Variants in EML1 observed in about 807,000 individuals in gnomAD.
EML1 encodes the protein EMAP like 1, also known as echinoderm microtubule-associated protein-like 1.
A neutral mutation model predicts 110.4 loss-of-function variants in EML1; 27 were observed. The observed-to-expected ratio is 0.24, with a 90% CI of 0.18 to 0.34. The LOEUF is 0.34. Among genes scored for constraint, EML1 ranks in the 10% least tolerant of loss-of-function variants. EML1 has a pLI of 1.00. For missense variants in EML1, 741 were observed against 1,030.9 expected, an observed-to-expected ratio of 0.72 and a Z score of 3.85; for synonymous variants, 344 against 385.8, an observed-to-expected ratio of 0.89 and a Z score of 1.27.
intron 1 of EML1, among the ~76,000 whole-genome samples, chr14:99,762,562 C>T (rs1595250561): frequency 6.6e-6 from 1 of 152,264 alleles, no homozygotes; most frequent in Middle Eastern, 3.4e-3. Context: ...CTTTGGGAGG[C>T]CAAGGCAGGA....
chr14:99,886,771 A>G (rs2059483043), intron 4 of EML1, among the ~76,000 whole-genome samples: 1 of 152,194 alleles, frequency 6.6e-6, no homozygotes, highest in Admixed American at 6.5e-5. Context: ...TAGATGAAAG[A>G]GATAAGAGCA....
intron 20 of EML1, among the ~76,000 whole-genome samples, chr14:99,938,132 T>C (rs2060509095): frequency 6.6e-6 from 1 of 152,054 alleles, no homozygotes; most frequent in African/African-American, 2.4e-5. Flanking sequence ...TTTTAACCCT[T>C]CTCCACTGTA....
rs2273707 is a variant in EML1, at chr14:99,897,334, G to C, written c.827+40G>C. Reference sequence around the variant, plus strand: ...AGGTCATTCCTGCGACTCAGAAGGCGAAGGTAGGAGGATCGCTTGAGGCCA... The same window carrying C: ...AGGTCATTCCTGCGACTCAGAAGGCCAAGGTAGGAGGATCGCTTGAGGCCA... On this transcript the variant is annotated intron_variant, in intron 7 of 21. Coordinates refer to ENST00000262233, the MANE Select transcript of EML1 (RefSeq NM_004434.3). The C allele has an allele frequency of 0.52, 802,680 of 1,550,062 alleles. 209,848 individuals carry two copies. The highest frequency in any genetic ancestry group is 0.67 in the African/African-American group (48,644 of 72,542).
chr14:99,782,068 ACT>A (rs1349953376), intron 1 of EML1, among the ~76,000 whole-genome samples: 2 of 152,172 alleles, frequency 1.3e-5, no homozygotes, highest in African/African-American at 2.4e-5. Flanking sequence ...ATCGTAGGGC[ACT>A]GTTATCCTAC....
At chr14:99,823,171 C>G (rs2139751309) in intron 1 of EML1, among the ~76,000 whole-genome samples, 1 of 152,340 alleles carries the variant, frequency 6.6e-6, no homozygotes. Flanking sequence ...TGATGTGTAA[C>G]TAGCTGCTTG....
intron 1 of EML1, among the ~76,000 whole-genome samples, chr14:99,800,366 A>G (rs923115724): frequency 4.0e-5 from 6 of 151,206 alleles, no homozygotes; most frequent in African/African-American, 1.5e-4. Context: ...TTAATTAATT[A>G]TTTATTTTTT....
At chr14:99,790,549 C>T (rs1479865011), upstream of EML1, among the ~76,000 whole-genome samples, 1 of 152,194 alleles carries the variant, frequency 6.6e-6, no homozygotes, top group Non-Finnish European at 1.5e-5. Context: ...ACTTCCTTTT[C>T]AAGTTCAGAA....
intron 9 of EML1, among the ~76,000 whole-genome samples, chr14:99,902,773 G>T (rs142467962): frequency 2.1e-3 from 321 of 152,196 alleles, no homozygotes; most frequent in African/African-American, 7.4e-3. Flanking sequence ...TCTCCTCTTG[G>T]GGGGTCCCAA....
In EML1 at chr14:99,939,099, C is replaced by A; in HGVS notation, c.2192-98C>A. On this transcript the variant is annotated intron_variant, in intron 20 of 21. Transcript: ENST00000262233. The surrounding 1 kb of genome is among the most constrained non-coding windows in gnomAD (Gnocchi z 4.2). ...CTTGTTTCTAAAGCTGGACTTCAGG[C>A]AGTTTCATGTTCAGGACCGTTCAGT... 2 of 1,510,804 alleles carry A rather than the reference C, an allele frequency of 1.3e-6. No homozygotes were observed. The highest frequency in any genetic ancestry group is 1.3e-5 in the South Asian group (1 of 75,136). The allele number at this position is 1,510,804 out of a possible 1,614,324, so 93.6% of individuals were successfully genotyped here.
chr14:99,914,037 T>G, intron 13 of EML1, 142 bp from the exon 14 acceptor site: 1 of 1,035,592 alleles, frequency 9.7e-7, no homozygotes, highest in Non-Finnish European at 1.4e-6. Context: ...ATATACAACA[T>G]ATATATTTGA....
intron 2 of EML1, among the ~76,000 whole-genome samples, chr14:99,854,647 A>G (rs1378690682): frequency 2.0e-5 from 3 of 152,180 alleles, no homozygotes; most frequent in Non-Finnish European, 2.9e-5. Context: ...TAAAATAGGA[A>G]GAACCGGCTA....
chr14:99,932,101 A>G (rs996247287), intron 17 of EML1, among the ~76,000 whole-genome samples: 15 of 152,140 alleles, frequency 9.9e-5, no homozygotes, highest in Non-Finnish European at 2.1e-4. Flanking sequence ...AGTTGTTTAC[A>G]AGGAAGATTA....
rs781706468 is a variant in EML1 at position 99,937,853 on chromosome 14, A to T, written c.2132A>T (p.Glu711Val). 6.2e-7 allele frequency: 1 copy of T among 1,614,028 alleles called. No homozygotes were observed. Among genetic ancestry groups the T allele is most frequent in the Non-Finnish European group, 8.5e-7 (1 of 1,179,984 alleles). ...GCCTGTAAGCAAGTCGTAAGTGTGGAAACTACAAGAGACATTGAATGGGCT... is the reference window on the plus strand; with the variant it reads ...GCCTGTAAGCAAGTCGTAAGTGTGGTAACTACAAGAGACATTGAATGGGCT... ...PSACKQVVSVETTRDIEWATY... is the reference protein window; with the variant it reads ...PSACKQVVSVVTTRDIEWATY... Residue 711 changes from glutamate (E) to valine (V), a missense_variant, in exon 20 of 22, where the codon GAA becomes GTA. Physicochemically the swap from Glu to Val is moderately radical, Grantham distance 121. Coordinates refer to ENST00000262233, the MANE Select transcript of EML1 (RefSeq NM_004434.3).
At chr14:99,783,052 T>C (rs1257362853) in intron 1 of EML1, among the ~76,000 whole-genome samples, 2 of 152,176 alleles carry the variant, frequency 1.3e-5, no homozygotes, top group South Asian at 2.1e-4. Flanking sequence ...TGAAGGTTTA[T>C]TACATATGTA....
In EML1 at chr14:99,812,449, G is replaced by T. The variant is rs1332669638; in HGVS notation, c.67+18906G>T. 5.9e-5 allele frequency among the ~76,000 whole-genome samples: 9 copies of T among 151,940 alleles called. No individual in the cohort carries two copies. In the East Asian group the frequency reaches 1.7e-3, roughly 29 times the overall value. On this transcript the variant is annotated intron_variant, in intron 1 of 21. Transcript: ENST00000262233. The stretch of plus-strand genomic sequence containing the variant: ...ATCCAGGTGACGATGCTTTTTTGAG[G>T]CTGACATAGTGGTACACAGCATTGA...
In EML1 at chr14:99,878,550, A is replaced by T; in HGVS notation, c.449A>T (p.Asp150Val). Residue 150 changes from aspartate (D) to valine (V), a missense_variant, in exon 4 of 22, where the codon GAT becomes GTT. Asp to Val is a radical substitution (Grantham distance 152). Transcript: ENST00000262233. ...GGGGGTCGAAGGGAAAGCAATGGGGATTCCAGAGGAAACCGGAATCGCACA... is the reference window on the plus strand; with the variant it reads ...GGGGGTCGAAGGGAAAGCAATGGGGTTTCCAGAGGAAACCGGAATCGCACA... The part of the protein sequence containing the change: ...SPGGRRESNG[D>V]SRGNRNRTGS... The T allele has an allele frequency of 6.2e-7, 1 of 1,614,160 alleles. No individual in the cohort carries two copies. The highest frequency in any genetic ancestry group is 8.5e-7 in the Non-Finnish European group (1 of 1,180,018).
At chr14:99,836,760 A>G (rs950962913) in intron 1 of EML1, among the ~76,000 whole-genome samples, 4 of 152,048 alleles carry the variant, frequency 2.6e-5, no homozygotes, top group African/African-American at 9.7e-5. Flanking sequence ...TTGAATTCCT[A>G]TAAATATTTC....
At position 99,827,369 on chromosome 14, in the gene EML1, T is replaced by G. The variant is rs1253049965; in HGVS notation, c.68-23484T>G. Among the ~76,000 whole-genome samples the G allele has an allele frequency of 6.6e-6, 1 of 151,756 alleles. No homozygotes were observed. Among genetic ancestry groups the G allele is most frequent in the Non-Finnish European group, 1.5e-5 (1 of 67,948 alleles). On this transcript the variant is annotated intron_variant, in intron 1 of 21. Coordinates refer to ENST00000262233, the MANE Select transcript of EML1 (RefSeq NM_004434.3). This position sits in a 1 kb window ranked among gnomAD's most constrained non-coding sequence, Gnocchi z 4.4. ...CTGGCAGCATAGCTGGTATGAGTAC[T>G]CGAAGTACCCCGGCAGAGTAGCGGC...
rs1356816287 is a variant in EML1, at chr14:99,781,632, A to G, written c.-27+7619A>G. Among the ~76,000 whole-genome samples the G allele has an allele frequency of 2.6e-5, 4 of 152,180 alleles. No homozygotes were observed. Among genetic ancestry groups the G allele is most frequent in the Non-Finnish European group, 5.9e-5 (4 of 68,036 alleles). Reference sequence around the variant, plus strand: ...CTTCCCATCAGTCTTCCTGAAGCACAGTCCTAATTCTGTGGCTTCCAAGGG... The same window carrying G: ...CTTCCCATCAGTCTTCCTGAAGCACGGTCCTAATTCTGTGGCTTCCAAGGG... On this transcript the variant is annotated intron_variant, in intron 1 of 22. Transcript: ENST00000327921. This position sits in a 1 kb window ranked among gnomAD's most constrained non-coding sequence, Gnocchi z 4.2.
Sources: gnomAD v4.1 joint callset for allele counts (sites outside exome capture counted in the v4.1 genomes callset) on GRCh38, gnomAD v4.1.1 for gene constraint, Gnocchi (gnomAD v3.1) non-coding constraint, MANE v1.5 for transcripts, NCBI Gene and HGNC (gene_info 2026-07-23, HGNC 2026-07-21) for gene names.